UBE2E2: variants seen among roughly 807,000 people sequenced by gnomAD.
The protein encoded by UBE2E2 is ubiquitin conjugating enzyme E2 E2.
A neutral mutation model predicts 24.7 loss-of-function variants in UBE2E2; 6 were observed. The ratio of observed to expected loss-of-function variants is 0.24; its 90% CI spans 0.13 to 0.48. The LOEUF is 0.48. Among genes scored for constraint, UBE2E2 ranks in the 20% least tolerant of loss-of-function variants. The pLI, the probability that UBE2E2 is intolerant of heterozygous loss-of-function variation, is 0.99. For missense variants in UBE2E2, 169 were observed against 245.0 expected (o/e 0.69, Z 2.07); for synonymous variants, 104 against 83.6 (o/e 1.24, Z -1.33).
intron 3 of UBE2E2, among the ~76,000 whole-genome samples, chr3:23,231,295 A>G (rs567159759): frequency 1.2e-4 from 18 of 152,270 alleles, no homozygotes; most frequent in Admixed American, 2.0e-4. Context: ...TATACTTGCT[A>G]TCAGTTCCAC....
At chr3:23,521,593 G>A (rs559951041) in intron 4 of UBE2E2, among the ~76,000 whole-genome samples, 1 of 152,322 alleles carries the variant, frequency 6.6e-6, no homozygotes, top group South Asian at 2.1e-4. Flanking sequence ...AATTGTTCTA[G>A]TACCTGACTG....
intron 3 of UBE2E2, among the ~76,000 whole-genome samples, chr3:23,302,747 A>C (rs112731578): frequency 6.6e-6 from 1 of 152,246 alleles, no homozygotes; most frequent in African/African-American, 2.4e-5. Context: ...AGGTAGCATG[A>C]AAGCAGCCAT....
At chr3:23,531,977 G>A (rs1197053354) in intron 4 of UBE2E2, among the ~76,000 whole-genome samples, 11 of 151,096 alleles carry the variant, frequency 7.3e-5, no homozygotes, top group Admixed American at 2.0e-4. Context: ...CAGGACAATC[G>A]CTTGAACCCG....
intron 3 of UBE2E2, among the ~76,000 whole-genome samples, chr3:23,421,388 G>A (rs1697793103): frequency 6.6e-6 from 1 of 152,062 alleles, no homozygotes; most frequent in East Asian, 1.9e-4. Context: ...AAGAAAATGT[G>A]GTGTATGTAT....
chr3:23,538,159 G>A (rs1053074315), intron 5 of UBE2E2, among the ~76,000 whole-genome samples: 2 of 152,092 alleles, frequency 1.3e-5, no homozygotes, highest in African/African-American at 4.8e-5. Flanking sequence ...TGGCTACCTA[G>A]ATACCAGATT....
intron 4 of UBE2E2, among the ~76,000 whole-genome samples, chr3:23,513,741 A>G (rs1224039736): frequency 6.6e-6 from 1 of 152,142 alleles, no homozygotes; most frequent in Admixed American, 6.6e-5. Flanking sequence ...TTTGACCTTT[A>G]TGAATCTGAT....
At chr3:23,541,339 A>G (rs78979035) in intron 5 of UBE2E2, among the ~76,000 whole-genome samples, 4,420 of 152,322 alleles carry the variant, frequency 0.029, 109 homozygotes, top group East Asian at 0.13. Context: ...TTCCTCAGAA[A>G]AGAAAGCGCT....
At chr3:23,390,929 GAATA>G (rs1350859221) in intron 3 of UBE2E2, among the ~76,000 whole-genome samples, 1 of 152,016 alleles carries the variant, frequency 6.6e-6, no homozygotes, top group Non-Finnish European at 1.5e-5. Flanking sequence ...CATTCAATTT[GAATA>G]AATAAGTAAT....
At chr3:23,300,784 G>A (rs1477542140) in intron 3 of UBE2E2, among the ~76,000 whole-genome samples, 1 of 152,074 alleles carries the variant, frequency 6.6e-6, no homozygotes, top group East Asian at 1.9e-4. Flanking sequence ...TTCTCGAGAA[G>A]TATCTTTGTG....
chr3:23,236,228 C>G (rs908516643), intron 3 of UBE2E2, among the ~76,000 whole-genome samples: 1 of 151,964 alleles, frequency 6.6e-6, no homozygotes, highest in African/African-American at 2.4e-5. Context: ...CAAGTGAATA[C>G]GAAAGTAGAA....
chr3:23,316,570 A>G (rs1694586773), intron 3 of UBE2E2, among the ~76,000 whole-genome samples: 1 of 151,822 alleles, frequency 6.6e-6, no homozygotes, highest in Non-Finnish European at 1.5e-5. Context: ...AAGGCCTACA[A>G]CTGGCGACCC....
intron 5 of UBE2E2, among the ~76,000 whole-genome samples, chr3:23,547,930 A>G (rs1049264228): frequency 6.6e-6 from 1 of 152,208 alleles, no homozygotes; most frequent in Non-Finnish European, 1.5e-5. Flanking sequence ...TAAGGAAGCT[A>G]TTCCCATACT....
In UBE2E2 at chr3:23,222,169, A is replaced by G. The variant is rs189185817; in HGVS notation, c.227+4857A>G. ...GGTTCCATCCATGTTGCTGCACATG[A>G]CAGGATTTCATTCTTTTTTATGGTT... On this transcript the variant is annotated intron_variant, in intron 3 of 5. Coordinates refer to ENST00000396703, the MANE Select transcript of UBE2E2 (RefSeq NM_152653.4). Among the ~76,000 whole-genome samples the G allele has an allele frequency of 4.1e-3, 617 of 152,238 alleles. 3 individuals are homozygous for G. Among genetic ancestry groups the G allele is most frequent in the Middle Eastern group, 0.017 (5 of 294 alleles).
At chr3:23,307,051 G>C (rs993103346) in intron 3 of UBE2E2, among the ~76,000 whole-genome samples, 1 of 152,062 alleles carries the variant, frequency 6.6e-6, no homozygotes, top group African/African-American at 2.4e-5. Flanking sequence ...CAGACAAGCT[G>C]ATATTTTTGG....
intron 5 of UBE2E2, among the ~76,000 whole-genome samples, chr3:23,553,737 GGCA>G (rs1458002422): frequency 6.6e-6 from 1 of 152,026 alleles, no homozygotes; most frequent in African/African-American, 2.4e-5. Context: ...AAAAGTCCAT[GGCA>G]TTTCTGTACA....
chr3:23,566,419 G>A (rs1240785747), intron 5 of UBE2E2, among the ~76,000 whole-genome samples: 1 of 152,182 alleles, frequency 6.6e-6, no homozygotes, highest in East Asian at 1.9e-4. Flanking sequence ...TCATCTCGTA[G>A]TGGACAGCCT....
chr3:23,587,275 T>C (rs1335307211), intron 5 of UBE2E2, among the ~76,000 whole-genome samples: 1 of 152,220 alleles, frequency 6.6e-6, no homozygotes, highest in Non-Finnish European at 1.5e-5. Context: ...ACAGTTGATA[T>C]GACACATTTT....
intron 3 of UBE2E2, among the ~76,000 whole-genome samples, chr3:23,489,036 A>G (rs1014166041): frequency 2.0e-5 from 3 of 152,040 alleles, no homozygotes; most frequent in Admixed American, 6.5e-5. Flanking sequence ...TGGTTTTTTT[A>G]CTTCAGTCTT....
intron 4 of UBE2E2, among the ~76,000 whole-genome samples, chr3:23,524,801 T>G (rs769382917): frequency 2.6e-5 from 4 of 152,006 alleles, no homozygotes; most frequent in African/African-American, 4.8e-5. Flanking sequence ...CAGCTTCATT[T>G]TTAAGTACCT....
Sources: gnomAD v4.1 joint callset for allele counts (sites outside exome capture counted in the v4.1 genomes callset) on GRCh38, gnomAD v4.1.1 for gene constraint, MANE v1.5 for transcripts, NCBI Gene and HGNC (gene_info 2026-07-23, HGNC 2026-07-21) for gene names.